Variants in DCC observed in about 807,000 individuals in gnomAD.
The protein encoded by DCC is DCC netrin 1 receptor, also known as netrin receptor DCC.
In DCC, 58 loss-of-function variants were observed where a neutral mutation model predicts 172.5. The ratio of observed to expected loss-of-function variants is 0.34; its 90% CI spans 0.27 to 0.42. The LOEUF is 0.42. Among genes scored for constraint, DCC ranks in the 10% least tolerant of loss-of-function variants. The pLI is 1.00. For synonymous variants in DCC, 709 were observed against 644.5 expected (o/e 1.10, Z -1.52); for missense variants, 1,740 against 1,791.0 (o/e 0.97, Z 0.51).
At position 52,835,103 on chromosome 18, in the gene DCC, G is replaced by C. The variant is rs142959089; in HGVS notation, c.413-70941G>C. Among the ~76,000 whole-genome samples the C allele has an allele frequency of 5.6e-3, 857 of 152,190 alleles. 5 individuals carry two copies. Among genetic ancestry groups the C allele is most frequent in the African/African-American group, 0.02 (827 of 41,542 alleles). Reference sequence around the variant, plus strand: ...ACTTTAGTAATTCACTGATATACACGATTGAATTTAGGTTATTTAACATTC... The same window carrying C: ...ACTTTAGTAATTCACTGATATACACCATTGAATTTAGGTTATTTAACATTC... On this transcript the variant is annotated intron_variant, in intron 2 of 28. Transcript: ENST00000442544.
At chr18:52,875,290 T>G (rs190730000) in intron 2 of DCC, among the ~76,000 whole-genome samples, 168 of 152,104 alleles carry the variant, frequency 1.1e-3, no homozygotes, top group Non-Finnish European at 2.0e-3. Flanking sequence ...CAATAAAAAT[T>G]CCTCCTAAAA....
At chr18:52,953,153 A>G (rs1198961225) in intron 5 of DCC, among the ~76,000 whole-genome samples, 1 of 152,174 alleles carries the variant, frequency 6.6e-6, no homozygotes, top group African/African-American at 2.4e-5. Flanking sequence ...CCCTTTTCAA[A>G]GAAGATATGC....
intron 26 of DCC, among the ~76,000 whole-genome samples, chr18:53,492,699 G>T (rs1400186666): frequency 6.6e-6 from 1 of 152,124 alleles, no homozygotes; most frequent in African/African-American, 2.4e-5. Flanking sequence ...TGCTGTTTTG[G>T]TTACTGTAGC....
chr18:52,659,965 TTAAG>T (rs1308087101), intron 1 of DCC, among the ~76,000 whole-genome samples: 16 of 152,316 alleles, frequency 1.1e-4, no homozygotes, highest in African/African-American at 3.6e-4. Context: ...AACCCAATGA[TTAAG>T]TGATTTACCT....
chr18:52,831,054 G>T (rs2038605658), intron 2 of DCC, among the ~76,000 whole-genome samples: 1 of 152,110 alleles, frequency 6.6e-6, no homozygotes, highest in African/African-American at 2.4e-5. Context: ...TTAGGAAAAT[G>T]AGATTTAAAT....
At chr18:52,703,320 T>C (rs2036156158) in intron 1 of DCC, among the ~76,000 whole-genome samples, 1 of 152,176 alleles carries the variant, frequency 6.6e-6, no homozygotes, top group African/African-American at 2.4e-5. Context: ...AGGCTCCTTC[T>C]TCATCCCCTA....
intron 11 of DCC, among the ~76,000 whole-genome samples, chr18:53,214,164 G>A (rs2055808206): frequency 1.3e-5 from 2 of 151,804 alleles, no homozygotes; most frequent in Non-Finnish European, 2.9e-5. Flanking sequence ...GAATATTTTT[G>A]AAAGAATACT....
At chr18:53,425,357 CT>C (rs747096336) in intron 21 of DCC, among the ~76,000 whole-genome samples, 249 of 101,646 alleles carry the variant, frequency 2.4e-3, no homozygotes, top group South Asian at 4.1e-3. Flanking sequence ...TTTCTCCTCT[CT>C]TTTTTTTTTT....
intron 3 of DCC, among the ~76,000 whole-genome samples, chr18:52,907,497 G>A (rs576709754): frequency 6.6e-6 from 1 of 151,914 alleles, no homozygotes; most frequent in Non-Finnish European, 1.5e-5. Context: ...GCTCACTGCT[G>A]CCTCAACTTC....
At chr18:53,332,044 C>T (rs776679607) in intron 14 of DCC, among the ~76,000 whole-genome samples, 9 of 152,046 alleles carry the variant, frequency 5.9e-5, no homozygotes, top group South Asian at 4.1e-4. Context: ...TAGGAGTAAG[C>T]GTGTTGATAT....
chr18:53,023,448 C>A (rs956976829), intron 5 of DCC, among the ~76,000 whole-genome samples: 10 of 142,988 alleles, frequency 7.0e-5, no homozygotes, highest in Non-Finnish European at 1.5e-4. Context: ...TTATGCAGCC[C>A]AGATTTTGGT....
At position 52,738,293 on chromosome 18, in the gene DCC, A is replaced by T. The variant is rs75528847; in HGVS notation, c.92-13761A>T. Among the ~76,000 whole-genome samples the T allele has an allele frequency of 1.3e-3, 197 of 152,302 alleles. 1 individual carries two copies. The highest frequency in any genetic ancestry group is 4.3e-3 in the African/African-American group (178 of 41,578). On this transcript the variant is annotated intron_variant, in intron 1 of 28. Coordinates refer to ENST00000442544, the MANE Select transcript of DCC (RefSeq NM_005215.4). ...GTGATTTTGTCATTGTGCAAACATCATAGAGTGTCCTCACACAAACTTTAC... is the reference window on the plus strand; with the variant it reads ...GTGATTTTGTCATTGTGCAAACATCTTAGAGTGTCCTCACACAAACTTTAC...
intron 1 of DCC, among the ~76,000 whole-genome samples, chr18:52,690,774 C>G (rs1334630865): frequency 6.6e-6 from 1 of 152,006 alleles, no homozygotes; most frequent in Non-Finnish European, 1.5e-5. Context: ...AAAAACCATG[C>G]TAGAAGAGGT....
chr18:52,816,178 G>A (rs1299974789), intron 2 of DCC, among the ~76,000 whole-genome samples: 1 of 152,192 alleles, frequency 6.6e-6, no homozygotes, highest in Non-Finnish European at 1.5e-5. Flanking sequence ...TCACACAGCT[G>A]TGAAGGAAAT....
chr18:53,377,930 C>A (rs1035676610), intron 15 of DCC, among the ~76,000 whole-genome samples: 2 of 152,102 alleles, frequency 1.3e-5, no homozygotes, highest in African/African-American at 4.8e-5. Flanking sequence ...CTCTCTGATT[C>A]CAGAAGGCTT....
intron 1 of DCC, among the ~76,000 whole-genome samples, chr18:52,750,976 G>T (rs535287105): frequency 6.6e-6 from 1 of 152,122 alleles, no homozygotes; most frequent in Admixed American, 6.6e-5. Flanking sequence ...CAAATAAAGG[G>T]CTCTTAAAGA....
intron 7 of DCC, among the ~76,000 whole-genome samples, chr18:53,081,060 A>C (rs1240811472): frequency 2.0e-5 from 3 of 152,090 alleles, no homozygotes; most frequent in Non-Finnish European, 4.4e-5. Flanking sequence ...CAGGACTGGA[A>C]TATATTGATT....
At chr18:52,707,843 A>T (rs763565643) in intron 1 of DCC, among the ~76,000 whole-genome samples, 1 of 152,204 alleles carries the variant, frequency 6.6e-6, no homozygotes, top group Admixed American at 6.5e-5. Context: ...AATAGTGGCT[A>T]CCAGACCCTG....
At chr18:53,460,879 T>C (rs1179056887) in intron 24 of DCC, among the ~76,000 whole-genome samples, 1 of 152,122 alleles carries the variant, frequency 6.6e-6, no homozygotes, top group East Asian at 1.9e-4. Flanking sequence ...ATGGTTGAAC[T>C]AGTTTACAGT....
Sources: gnomAD v4.1 joint callset for allele counts (sites outside exome capture counted in the v4.1 genomes callset) on GRCh38, gnomAD v4.1.1 for gene constraint, MANE v1.5 for transcripts, NCBI Gene and HGNC (gene_info 2026-07-23, HGNC 2026-07-21) for gene names.